Variants in ITPR2 observed in about 807,000 individuals in gnomAD.
ITPR2 encodes the protein inositol 1,4,5-trisphosphate receptor type 2.
A neutral mutation model predicts 317.1 loss-of-function variants in ITPR2; 207 were observed. That is an observed-to-expected ratio of 0.65 (90% CI 0.58 to 0.73). The LOEUF (loss-of-function observed/expected upper bound fraction) is 0.73. Ranked by LOEUF, ITPR2 falls within the 30% of genes least tolerant of loss-of-function variation. ITPR2 has a pLI of 0.00. For synonymous variants in ITPR2, 1,156 were observed against 1,149.1 expected, an observed-to-expected ratio of 1.01 and a Z score of -0.12; for missense variants, 2,613 against 3,284.0, an observed-to-expected ratio of 0.80 and a Z score of 4.99.
intron 46 of ITPR2, 74 bp downstream of exon 46, chr12:26,443,469 T>C: frequency 8.4e-7 from 1 of 1,193,552 alleles, no homozygotes; most frequent in Non-Finnish European, 1.2e-6. Context: ...GAAAAAAATA[T>C]GAAAATGGTC....
chr12:26,510,854 G>A (rs1490533773), intron 37 of ITPR2, among the ~76,000 whole-genome samples: 1 of 152,168 alleles, frequency 6.6e-6, no homozygotes, highest in African/African-American at 2.4e-5. Flanking sequence ...TATTTTTGAG[G>A]AGTGTGCATT....
intron 37 of ITPR2, among the ~76,000 whole-genome samples, chr12:26,535,736 T>C (rs1944071479): frequency 6.6e-6 from 1 of 152,206 alleles, no homozygotes; most frequent in Non-Finnish European, 1.5e-5. Flanking sequence ...TCACAAGCTT[T>C]CAAATTAGAC....
At chr12:26,486,423 AAAAC>A (rs1431086673) in intron 40 of ITPR2, 63 bp from the exon 41 acceptor site, 4 of 1,357,404 alleles carry the variant, frequency 2.9e-6, no homozygotes, top group Non-Finnish European at 4.0e-6. Context: ...TAAAAAAAAA[AAAAC>A]AAACCAGGTA....
At chr12:26,708,664 C>T (rs10732543) in intron 9 of ITPR2, among the ~76,000 whole-genome samples, 152,305 of 152,318 alleles carry the variant, frequency 1, 76,146 homozygotes, top group Middle Eastern at 1. Context: ...TATAGTTCGA[C>T]AGAAGGAGTA....
At chr12:26,477,088 A>T in intron 43 of ITPR2, 81 bp from the exon 44 acceptor site, 1 of 854,398 alleles carries the variant, frequency 1.2e-6, no homozygotes, top group Non-Finnish European at 1.9e-6. Context: ...TTTAATTGAG[A>T]TTACTAGGAC....
chr12:26,657,123 C>T (rs1947387745), intron 18 of ITPR2, among the ~76,000 whole-genome samples: 2 of 152,158 alleles, frequency 1.3e-5, no homozygotes, highest in Non-Finnish European at 2.9e-5. Flanking sequence ...CCAACTTGGC[C>T]CCAAGGCTTC....
intron 1 of ITPR2, among the ~76,000 whole-genome samples, chr12:26,826,980 C>T (rs192281198): frequency 1.3e-5 from 2 of 152,180 alleles, no homozygotes; most frequent in Admixed American, 1.3e-4. Flanking sequence ...AAAGACAAAT[C>T]CTAGTATAGA....
intron 45 of ITPR2, among the ~76,000 whole-genome samples, chr12:26,465,612 G>T (rs578095284): frequency 7.0e-6 from 1 of 142,648 alleles, no homozygotes; most frequent in East Asian, 2.1e-4. Context: ...GCTCCCTCTG[G>T]CGCCCTCTCT....
chr12:26,559,942 T>A (rs962335963), intron 35 of ITPR2, among the ~76,000 whole-genome samples: 5 of 152,196 alleles, frequency 3.3e-5, no homozygotes, highest in Non-Finnish European at 7.3e-5. Flanking sequence ...CTCTGTTCTA[T>A]TTTTTACATT....
At chr12:26,570,637 A>G (rs1197946860) in intron 34 of ITPR2, among the ~76,000 whole-genome samples, 3 of 152,234 alleles carry the variant, frequency 2.0e-5, no homozygotes, top group Admixed American at 6.5e-5. Context: ...AAAATAGATT[A>G]TGTTGCCAAC....
At chr12:26,619,443 T>C (rs1416368819) in intron 26 of ITPR2, among the ~76,000 whole-genome samples, 1 of 152,198 alleles carries the variant, frequency 6.6e-6, no homozygotes, top group Non-Finnish European at 1.5e-5. Flanking sequence ...TTGGGCGACA[T>C]CTTTTACTTA....
rs901976014 is a variant in ITPR2, at chr12:26,354,069, T to C, written c.7858-13741A>G. Among the ~76,000 whole-genome samples the C allele has an allele frequency of 2.0e-5, 3 of 151,342 alleles. No individual in the cohort carries two copies. The East Asian group carries it at 5.8e-4, about 29-fold the overall frequency. ...CAGGTGGATCACCTGAGGTCAGGAG[T>C]TCAAGACCAGCCCGGCCAACATGGT... is the stretch of plus-strand genomic sequence containing the variant. On this transcript the variant is annotated intron_variant, in intron 55 of 56. Coordinates refer to ENST00000381340, the MANE Select transcript of ITPR2 (RefSeq NM_002223.4).
At position 26,335,598 on chromosome 12, in the gene ITPR2, T is replaced by C. The variant is rs1937893790; in HGVS notation, c.*3799A>G. On this transcript the variant is annotated 3_prime_UTR_variant, in exon 57 of 57. Transcript: ENST00000381340. ...ATTTTCACATGCACGTTAGGCTATC[T>C]GGTTTTGATAGTGCGTGTTTTCTTC... Among the ~76,000 whole-genome samples, 1 of 152,258 alleles carries C rather than the reference T, an allele frequency of 6.6e-6. No individual in the cohort carries two copies. The highest frequency in any genetic ancestry group is 6.5e-5 in the Admixed American group (1 of 15,282).
intron 48 of ITPR2, 48 bp from the exon 49 acceptor site, chr12:26,428,136 A>C: frequency 7.0e-7 from 1 of 1,423,526 alleles, no homozygotes; most frequent in Non-Finnish European, 9.5e-7. Context: ...AAAACTAAAA[A>C]ATGCTAAAAT....
chr12:26,791,499 G>A (rs145336397), intron 1 of ITPR2, among the ~76,000 whole-genome samples: 29 of 152,250 alleles, frequency 1.9e-4, no homozygotes, highest in African/African-American at 7.0e-4. Context: ...AGTTTATCTA[G>A]TTACTGGAAG....
chr12:26,677,082 A>C (rs1947924091), intron 13 of ITPR2, among the ~76,000 whole-genome samples: 1 of 144,258 alleles, frequency 6.9e-6, no homozygotes, highest in South Asian at 2.3e-4. Context: ...GTACGATAAG[A>C]ATTCAAGGGT....
At chr12:26,490,429 G>A (rs1350319508) in intron 39 of ITPR2, among the ~76,000 whole-genome samples, 1 of 152,152 alleles carries the variant, frequency 6.6e-6, no homozygotes, top group African/African-American at 2.4e-5. Flanking sequence ...AGACACAAGG[G>A]GTACAAAGAT....
At chr12:26,580,497 T>A (rs1945377851) in intron 32 of ITPR2, among the ~76,000 whole-genome samples, 1 of 152,138 alleles carries the variant, frequency 6.6e-6, no homozygotes, top group South Asian at 2.1e-4. Context: ...CCACTCAATG[T>A]AAGAGACCAA....
intron 30 of ITPR2, 100 bp downstream of exon 30, chr12:26,599,045 T>C (rs1945925392): frequency 2.8e-6 from 3 of 1,057,784 alleles, no homozygotes; most frequent in African/African-American, 3.2e-5. Context: ...TAAATAATTT[T>C]CCAAACCTAT....
Sources: gnomAD v4.1 joint callset for allele counts (sites outside exome capture counted in the v4.1 genomes callset) on GRCh38, gnomAD v4.1.1 for gene constraint, MANE v1.5 for transcripts, NCBI Gene and HGNC (gene_info 2026-07-23, HGNC 2026-07-21) for gene names.